KAZN: variants seen among roughly 807,000 people sequenced by gnomAD.
KAZN encodes the protein kazrin.
KAZN carries 40 observed loss-of-function variants against 87.4 expected under a neutral mutation model. The ratio of observed to expected loss-of-function variants is 0.46; its 90% CI spans 0.36 to 0.60. The LOEUF is 0.60. Ranked by LOEUF, KAZN falls within the 20% of genes least tolerant of loss-of-function variation. The pLI is 0.00. For missense variants in KAZN, 898 were observed against 1,073.9 expected (o/e 0.84, Z 2.29); for synonymous variants, 466 against 458.3 (o/e 1.02, Z -0.22).
At position 14,363,911 on chromosome 1, in the gene KAZN, ATGTG is replaced by A. The variant is rs577670561; in HGVS notation, c.249+183323_249+183326del. Among the ~76,000 whole-genome samples, 349 of 151,936 alleles carry A rather than the reference ATGTG, an allele frequency of 2.3e-3. 3 individuals carry two copies. The highest frequency in any genetic ancestry group is 8.0e-3 in the African/African-American group (332 of 41,430). ...ATAAACGGTTGTGTATTTTGCGTGT[ATGTG>A]TGTATGTATTTTTTGGTAAATGCAT... On this transcript the variant is annotated intron_variant, in intron 2 of 16. Coordinates refer to the KAZN transcript ENST00000636203.
intron 2 of KAZN, among the ~76,000 whole-genome samples, chr1:14,366,699 G>A (rs1043983682): frequency 2.6e-5 from 4 of 152,218 alleles, no homozygotes; most frequent in East Asian, 1.9e-4. Flanking sequence ...AGCCCCAGAA[G>A]GCATGTGTTA....
At chr1:14,720,903 G>A (rs1229478829) in intron 1 of KAZN, among the ~76,000 whole-genome samples, 6 of 152,050 alleles carry the variant, frequency 3.9e-5, no homozygotes, top group Admixed American at 3.9e-4. Context: ...ATTTTTTTCT[G>A]CTGCCTCCCC....
chr1:14,974,565 G>T (rs564796642), intron 2 of KAZN, among the ~76,000 whole-genome samples: 68 of 152,204 alleles, frequency 4.5e-4, no homozygotes, highest in Middle Eastern at 3.4e-3. Flanking sequence ...ACTGGAATCG[G>T]CCCAAAGGCT....
At chr1:14,283,874 C>T (rs939628322) in intron 2 of KAZN, among the ~76,000 whole-genome samples, 1 of 152,112 alleles carries the variant, frequency 6.6e-6, no homozygotes, top group Non-Finnish European at 1.5e-5. Context: ...AACTGACAAG[C>T]AGGTAAATAA....
intron 1 of KAZN, among the ~76,000 whole-genome samples, chr1:13,988,391 C>T (rs1442038901): frequency 6.6e-6 from 1 of 151,896 alleles, no homozygotes; most frequent in East Asian, 1.9e-4. Flanking sequence ...TATATCTTGT[C>T]CAAGTTATTG....
At chr1:14,413,408 G>A (rs756160862) in intron 2 of KAZN, among the ~76,000 whole-genome samples, 12 of 151,852 alleles carry the variant, frequency 7.9e-5, no homozygotes, top group African/African-American at 2.9e-4. Flanking sequence ...GGCTAACACA[G>A]TGAAACCCCC....
rs1452115691 is a variant in KAZN at position 14,126,357 on chromosome 1, C to CG, written c.92-54078_92-54077insG. The stretch of plus-strand genomic sequence containing the variant: ...ATAAAGGCAGAAGCTCTCCCCTCCC[C>CG]CCCCCCGTCAAGATGCTTAATTTAT... On this transcript the variant is annotated intron_variant, in intron 1 of 16. Transcript: ENST00000636203. Among the ~76,000 whole-genome samples the CG allele has an allele frequency of 1.5e-4, 5 of 34,210 alleles. No homozygotes were observed. The South Asian group carries it at 4.0e-3, about 27-fold the overall frequency. 22.4% of individuals were successfully genotyped at this position (34,210 alleles called of 152,430 possible). A position where few individuals can be genotyped will look rare whatever the true frequency, so the allele number is the denominator to read the frequency against.
intron 1 of KAZN, among the ~76,000 whole-genome samples, chr1:14,698,996 C>T (rs1413415359): frequency 6.6e-6 from 1 of 151,770 alleles, no homozygotes; most frequent in East Asian, 1.9e-4. Context: ...GGTGAAATGG[C>T]AAGAGTTGCA....
chr1:14,922,530 G>A (rs1407088526), intron 1 of KAZN, among the ~76,000 whole-genome samples: 1 of 152,068 alleles, frequency 6.6e-6, no homozygotes, highest in Non-Finnish European at 1.5e-5. Context: ...GCCGTCCTCT[G>A]GCGCAGTTAA....
At chr1:14,106,923 C>G (rs1644385696) in intron 1 of KAZN, among the ~76,000 whole-genome samples, 1 of 150,004 alleles carries the variant, frequency 6.7e-6, no homozygotes, top group Admixed American at 6.7e-5. Flanking sequence ...ATACACTCAA[C>G]CACCCTTTCC....
At chr1:14,998,152 G>T (rs552574268) in intron 2 of KAZN, among the ~76,000 whole-genome samples, 2 of 152,200 alleles carry the variant, frequency 1.3e-5, no homozygotes, top group Admixed American at 6.5e-5. Flanking sequence ...CAGACGGCGG[G>T]GGGGAGGGGC....
chr1:14,495,725 G>A (rs147596184), intron 2 of KAZN, among the ~76,000 whole-genome samples: 20 of 152,286 alleles, frequency 1.3e-4, no homozygotes, highest in African/African-American at 4.8e-4. Context: ...AGATGCCCAG[G>A]AACATGTATC....
intron 1 of KAZN, among the ~76,000 whole-genome samples, chr1:14,681,167 C>T (rs753482940): frequency 1.2e-4 from 18 of 152,206 alleles, no homozygotes; most frequent in Non-Finnish European, 2.2e-4. Flanking sequence ...TCCCACCAGG[C>T]CCCACTTCCA....
rs1638302674 is a variant in KAZN at position 15,056,574 on chromosome 1, C to A, written c.916+294C>A. 6.6e-6 allele frequency among the ~76,000 whole-genome samples: 1 copy of A among 152,168 alleles called. No individual in the cohort carries two copies. The highest frequency in any genetic ancestry group is 2.4e-5 in the African/African-American group (1 of 41,454). ...TCTTTCAGCAAGAAAGTAAAATAGT[C>A]CCCTGCAGTTCCAGATGTTTAAGAC... On this transcript the variant is annotated intron_variant, in intron 5 of 14. Transcript: ENST00000376030. This position sits in a 1 kb window ranked among gnomAD's most constrained non-coding sequence, Gnocchi z 5.4.
intron 2 of KAZN, among the ~76,000 whole-genome samples, chr1:14,554,831 G>A (rs529999385): frequency 7.9e-5 from 12 of 152,104 alleles, no homozygotes; most frequent in African/African-American, 2.4e-4. Context: ...ATAACAGATC[G>A]TTATTACCAA....
In KAZN at chr1:15,094,806, C is replaced by T. The variant is rs557041554; in HGVS notation, c.1429-9C>T. On this transcript the variant is annotated splice_polypyrimidine_tract_variant and intron_variant, in intron 9 of 14. Transcript: ENST00000376030. The surrounding 1 kb of genome is among the most constrained non-coding windows in gnomAD (Gnocchi z 4.5). ...CCAGCCCCCATATGACACTCCCTCC[C>T]GGGGGCAGGTGCTGCTGAGCCTGAG... is the stretch of plus-strand genomic sequence containing the variant. 1.3e-5 allele frequency: 20 copies of T among 1,543,830 alleles called. No homozygotes were observed. Among genetic ancestry groups the T allele is most frequent in the South Asian group, 8.4e-5 (7 of 83,828 alleles).
At chr1:14,977,278 A>G (rs1665741881) in intron 2 of KAZN, among the ~76,000 whole-genome samples, 1 of 152,162 alleles carries the variant, frequency 6.6e-6, no homozygotes, top group South Asian at 2.1e-4. Flanking sequence ...CAAGGCTGGG[A>G]AAAGAGGGAC....
intron 1 of KAZN, among the ~76,000 whole-genome samples, chr1:14,764,871 C>T (rs1005455197): frequency 6.6e-6 from 1 of 152,116 alleles, no homozygotes; most frequent in African/African-American, 2.4e-5. Flanking sequence ...TCTTCAATCC[C>T]CACAAGAGTG....
intron 2 of KAZN, among the ~76,000 whole-genome samples, chr1:14,280,293 C>G (rs1652742250): frequency 7.1e-6 from 1 of 141,612 alleles, no homozygotes; most frequent in African/African-American, 2.6e-5. Context: ...CTCACTTGAA[C>G]CCGGGAGGCG....
Sources: gnomAD v4.1 joint callset for allele counts (sites outside exome capture counted in the v4.1 genomes callset) on GRCh38, gnomAD v4.1.1 for gene constraint, Gnocchi (gnomAD v3.1) non-coding constraint, MANE v1.5 for transcripts, NCBI Gene and HGNC (gene_info 2026-07-23, HGNC 2026-07-21) for gene names.